C4orf17: variants seen among roughly 807,000 people sequenced by gnomAD.
C4orf17 encodes the protein chromosome 4 open reading frame 17.
Under a neutral mutation model 32.0 loss-of-function variants are expected in C4orf17, and 25 were observed. The ratio of observed to expected loss-of-function variants is 0.78; its 90% CI spans 0.57 to 1.09. The LOEUF is 1.09. C4orf17 is among the 50% of genes least tolerant of loss of function. C4orf17 has a pLI of 0.00. For missense variants in C4orf17, 420 were observed against 420.0 expected, an observed-to-expected ratio of 1.00 and a Z score of 0.00; for synonymous variants, 149 against 145.8, an observed-to-expected ratio of 1.02 and a Z score of -0.16.
At chr4:99,513,264 G>A in intron 2 of C4orf17, 56 bp downstream of exon 2, 2 of 1,599,282 alleles carry the variant, frequency 1.3e-6, no homozygotes, top group Non-Finnish European at 1.7e-6. Flanking sequence ...TGGGCTATTT[G>A]ATAATTCTGG....
Position 99,542,222 on chromosome 4 carries a change from G to A in C4orf17, c.*113G>A. 1 of 830,686 alleles carries A rather than the reference G, an allele frequency of 1.2e-6. No homozygotes were observed. 51.5% of individuals were successfully genotyped at this position (830,686 alleles called of 1,614,324 possible). A position where few individuals can be genotyped will look rare whatever the true frequency, so the allele number is the denominator to read the frequency against. ...GAGGAATCAAGTGGTCCTCTTTATG[G>A]TGGCACATGTAAATCTAAAAATACC... On this transcript the variant is annotated 3_prime_UTR_variant, in exon 9 of 9. Transcript: ENST00000326581.
intron 4 of C4orf17, among the ~76,000 whole-genome samples, chr4:99,527,648 A>C (rs1170729384): frequency 6.6e-6 from 1 of 152,194 alleles, no homozygotes. Context: ...TGCTGATCTG[A>C]CAGGAGGCAG....
chr4:99,539,276 A>G lies in C4orf17; in HGVS notation c.742A>G (p.Thr248Ala). The G allele has an allele frequency of 6.2e-7, 1 of 1,614,108 alleles. No individual in the cohort carries two copies. ...EPAAETGKPP[T>A]VKSPPTVKLP... ...AGCAGCAGAGACTGGGAAGCCACCC[A>G]CAGTTAAATCACCACCCACAGTTAA... The change falls in exon 7 of 9, where the codon ACA becomes GCA. Residue 248 changes from threonine (T) to alanine (A), a missense_variant. By Grantham distance (58) the Thr-to-Ala change is moderately conservative. Transcript: ENST00000326581.
At chr4:99,527,054 G>A (rs1723400962) in intron 4 of C4orf17, among the ~76,000 whole-genome samples, 1 of 151,670 alleles carries the variant, frequency 6.6e-6, no homozygotes, top group Non-Finnish European at 1.5e-5. Flanking sequence ...TTTCCTATAA[G>A]CATTACTTTG....
At chr4:99,536,129 G>A (rs1560591003) in intron 5 of C4orf17, 10 of 330,814 alleles carry the variant, frequency 3.0e-5, no homozygotes, top group Non-Finnish European at 5.3e-5. Context: ...GTACTGAGCT[G>A]TTGCTGGCTC....
chr4:99,532,263 C>A (rs927281081), intron 5 of C4orf17, among the ~76,000 whole-genome samples: 1 of 152,074 alleles, frequency 6.6e-6, no homozygotes, highest in African/African-American at 2.4e-5. Context: ...ATGTTTATCA[C>A]AGCAATATTC....
At chr4:99,523,398 A>T (rs987187993) in intron 3 of C4orf17, among the ~76,000 whole-genome samples, 3 of 152,244 alleles carry the variant, frequency 2.0e-5, no homozygotes, top group East Asian at 3.8e-4. Flanking sequence ...ATAATGTAGT[A>T]AAATATATCT....
At chr4:99,525,758 C>T (rs1482520241) in intron 4 of C4orf17, among the ~76,000 whole-genome samples, 2 of 151,246 alleles carry the variant, frequency 1.3e-5, no homozygotes, top group East Asian at 1.9e-4. Context: ...GATGGTGCCA[C>T]TGCACTGCCG....
At chr4:99,512,804 G>A (rs981828338) in intron 1 of C4orf17, among the ~76,000 whole-genome samples, 185 bp from the exon 2 acceptor site, 1 of 152,060 alleles carries the variant, frequency 6.6e-6, no homozygotes, top group African/African-American at 2.4e-5. Flanking sequence ...CTGGGTAAAT[G>A]TTTTAGATCC....
chr4:99,513,098 C>A lies in C4orf17; in HGVS notation c.17C>A (p.Pro6Gln), dbSNP rs779234908. The A allele has an allele frequency of 3.1e-6, 5 of 1,613,756 alleles. No homozygotes were observed. The highest frequency in any genetic ancestry group is 4.2e-6 in the Non-Finnish European group (5 of 1,179,802). The change falls in exon 2 of 9, where the codon CCG becomes CAG. Residue 6 changes from proline to glutamine, a missense_variant. Transcript: ENST00000326581. MNLNPPTSALQIEGKG... is the reference protein window; with the variant it reads MNLNPQTSALQIEGKG... Reference sequence around the variant, plus strand: ...ACCACAAACATGAACCTCAACCCCCCGACATCTGCTCTTCAGATCGAGGGC... The same window carrying A: ...ACCACAAACATGAACCTCAACCCCCAGACATCTGCTCTTCAGATCGAGGGC...
At chr4:99,530,858 C>T (rs1247998648) in intron 5 of C4orf17, among the ~76,000 whole-genome samples, 1 of 152,026 alleles carries the variant, frequency 6.6e-6, no homozygotes, top group Non-Finnish European at 1.5e-5. Flanking sequence ...ACATTATTTC[C>T]TGATGATTCT....
intron 4 of C4orf17, among the ~76,000 whole-genome samples, chr4:99,528,126 C>A (rs192725830): frequency 3.9e-4 from 60 of 152,194 alleles, no homozygotes; most frequent in African/African-American, 1.4e-3. Flanking sequence ...TCCTTATATT[C>A]TTTTAAAAAT....
intron 4 of C4orf17, among the ~76,000 whole-genome samples, chr4:99,525,488 C>T (rs895710209): frequency 1.3e-5 from 2 of 152,234 alleles, no homozygotes; most frequent in African/African-American, 2.4e-5. Context: ...TTAGATCTTT[C>T]GTCCACTTCT....
intron 5 of C4orf17, among the ~76,000 whole-genome samples, chr4:99,533,189 C>T (rs994981150): frequency 1.3e-5 from 2 of 152,102 alleles, no homozygotes; most frequent in Non-Finnish European, 2.9e-5. Context: ...TACTGAATTA[C>T]TTTGTAAGCG....
chr4:99,540,518 C>A, intron 8 of C4orf17, 63 bp downstream of exon 8: 1 of 1,036,650 alleles, frequency 9.6e-7, no homozygotes, highest in Non-Finnish European at 1.5e-6. Context: ...ACTAATGACT[C>A]AGGGAACAGA....
chr4:99,538,000 C>T (rs926790515), intron 6 of C4orf17, among the ~76,000 whole-genome samples: 1 of 152,140 alleles, frequency 6.6e-6, no homozygotes, highest in African/African-American at 2.4e-5. Context: ...CACTTGTGTC[C>T]AAGGGCGGTC....
intron 2 of C4orf17, among the ~76,000 whole-genome samples, chr4:99,515,332 G>A (rs1220572829): frequency 6.6e-6 from 1 of 152,158 alleles, no homozygotes; most frequent in East Asian, 1.9e-4. Flanking sequence ...TAAAGAAAAT[G>A]TGGTACATAT....
At chr4:99,512,139 A>T (rs74826603) in intron 1 of C4orf17, among the ~76,000 whole-genome samples, 7,372 of 152,270 alleles carry the variant, frequency 0.048, 309 homozygotes, top group Middle Eastern at 0.13. Flanking sequence ...AATTATTCTA[A>T]CCCAAAAAGT....
chr4:99,531,512 A>G (rs528158734), intron 5 of C4orf17, among the ~76,000 whole-genome samples: 6 of 152,224 alleles, frequency 3.9e-5, no homozygotes, highest in African/African-American at 9.6e-5. Context: ...CTGGGCATCT[A>G]TGAAAGAGCC....
Sources: allele counts gnomAD v4.1 joint callset (sites outside exome capture counted in the v4.1 genomes callset), GRCh38; gene constraint gnomAD v4.1.1; transcripts MANE v1.5; gene names NCBI Gene and HGNC (gene_info 2026-07-23, HGNC 2026-07-21).